Variants in THRB observed in about 807,000 individuals in gnomAD.
THRB encodes thyroid hormone receptor beta, also known as nuclear receptor subfamily 1 group A member 2.
A neutral mutation model predicts 47.8 loss-of-function variants in THRB; 12 were observed. The observed-to-expected ratio is 0.25, with a 90% CI of 0.16 to 0.41. The LOEUF (loss-of-function observed/expected upper bound fraction) is 0.41, where lower values mean the gene tolerates loss of function less well. Ranked by LOEUF, THRB falls within the 10% of genes least tolerant of loss-of-function variation. THRB has a pLI of 1.00. For missense variants in THRB, 348 were observed against 589.2 expected, an observed-to-expected ratio of 0.59 and a Z score of 4.24; for synonymous variants, 218 against 212.2, an observed-to-expected ratio of 1.03 and a Z score of -0.24.
intron 2 of THRB, among the ~76,000 whole-genome samples, chr3:24,299,766 C>CTG (rs2056772059): frequency 1.7e-5 from 1 of 58,580 alleles, no homozygotes; most frequent in Non-Finnish European, 3.0e-5. Context: ...GGGAAGTATG[C>CTG]TTTTTTATTT....
intron 1 of THRB, among the ~76,000 whole-genome samples, chr3:24,400,338 G>T (rs1168627755): frequency 6.6e-6 from 1 of 151,992 alleles, no homozygotes; most frequent in Non-Finnish European, 1.5e-5. Context: ...TGGAAACAAA[G>T]CCTGATATTT....
chr3:24,218,452 T>A (rs948675450), intron 4 of THRB, among the ~76,000 whole-genome samples: 1 of 150,562 alleles, frequency 6.6e-6, no homozygotes, highest in Non-Finnish European at 1.5e-5. Flanking sequence ...TGAGAAGACA[T>A]GAATTATGGG....
At chr3:24,420,828 C>T (rs2069182670) in intron 1 of THRB, among the ~76,000 whole-genome samples, 1 of 151,906 alleles carries the variant, frequency 6.6e-6, no homozygotes, top group African/African-American at 2.4e-5. Flanking sequence ...TACCACTCAA[C>T]TCAGCAATTC....
At chr3:24,164,279 A>T (rs1314791010) in intron 5 of THRB, among the ~76,000 whole-genome samples, 1 of 152,206 alleles carries the variant, frequency 6.6e-6, no homozygotes, top group Non-Finnish European at 1.5e-5. Flanking sequence ...ATAAAGCCAC[A>T]GTGTCTATTA....
At chr3:24,361,172 C>T (rs1443620258) in intron 1 of THRB, among the ~76,000 whole-genome samples, 1 of 152,142 alleles carries the variant, frequency 6.6e-6, no homozygotes, top group Non-Finnish European at 1.5e-5. Context: ...TGTGTGCCTG[C>T]ACATGCATGA....
intron 1 of THRB, among the ~76,000 whole-genome samples, chr3:24,398,016 A>G (rs2067105150): frequency 6.6e-6 from 1 of 152,130 alleles, no homozygotes; most frequent in Non-Finnish European, 1.5e-5. Flanking sequence ...ATACAACAAA[A>G]CAATAATTCA....
intron 4 of THRB, among the ~76,000 whole-genome samples, chr3:24,224,544 AT>A (rs1180905354): frequency 6.6e-6 from 1 of 152,164 alleles, no homozygotes; most frequent in Non-Finnish European, 1.5e-5. Context: ...AGAAATGGCC[AT>A]TAAGAAGCAG....
intron 3 of THRB, among the ~76,000 whole-genome samples, chr3:24,241,980 T>C (rs927430223): frequency 2.0e-5 from 3 of 152,192 alleles, no homozygotes; most frequent in Non-Finnish European, 4.4e-5. Flanking sequence ...CCCCACAAGT[T>C]AGCACACTGA....
chr3:24,193,172 T>TG (rs948906024), intron 4 of THRB, among the ~76,000 whole-genome samples: 2 of 152,236 alleles, frequency 1.3e-5, no homozygotes, highest in African/African-American at 4.8e-5. Flanking sequence ...TAATTTCCTA[T>TG]GTCTAATGCC....
At chr3:24,433,175 T>C (rs1416105689) in intron 1 of THRB, among the ~76,000 whole-genome samples, 1 of 152,082 alleles carries the variant, frequency 6.6e-6, no homozygotes, top group Non-Finnish European at 1.5e-5. Flanking sequence ...ACAATACCTA[T>C]CTGTAGTGGG....
chr3:24,150,242 G>T (rs1219603313), intron 6 of THRB, among the ~76,000 whole-genome samples: 1 of 152,098 alleles, frequency 6.6e-6, no homozygotes, highest in Non-Finnish European at 1.5e-5. Flanking sequence ...GCAAGTATGG[G>T]GTAGAAATAT....
intron 3 of THRB, among the ~76,000 whole-genome samples, chr3:24,245,781 C>T (rs2050052158): frequency 6.6e-6 from 1 of 152,104 alleles, no homozygotes; most frequent in Admixed American, 6.5e-5. Context: ...GGTGTGGTGG[C>T]ACGTGCCTGT....
intron 2 of THRB, among the ~76,000 whole-genome samples, chr3:24,329,710 G>A (rs2061797053): frequency 1.3e-5 from 2 of 152,174 alleles, no homozygotes; most frequent in Admixed American, 1.3e-4. Context: ...TGCTAGAATA[G>A]ACACATTTAT....
chr3:24,385,812 A>G (rs2066054016), intron 1 of THRB, among the ~76,000 whole-genome samples: 1 of 152,114 alleles, frequency 6.6e-6, no homozygotes, highest in Admixed American at 6.6e-5. Flanking sequence ...AAATTTCCAG[A>G]TAAATCATCA....
intron 3 of THRB, among the ~76,000 whole-genome samples, chr3:24,279,420 G>C (rs1475861804): frequency 3.3e-5 from 5 of 151,740 alleles, no homozygotes; most frequent in Admixed American, 3.3e-4. Flanking sequence ...GCCTCATTCT[G>C]TCGCCCAGGC....
intron 1 of THRB, among the ~76,000 whole-genome samples, chr3:24,402,976 A>G (rs768522863): frequency 6.6e-5 from 10 of 152,076 alleles, no homozygotes; most frequent in Non-Finnish European, 1.0e-4. Flanking sequence ...AATATTTAAA[A>G]TAGTAAAAAT....
intron 5 of THRB, among the ~76,000 whole-genome samples, chr3:24,178,174 C>T (rs578115495): frequency 4.6e-4 from 70 of 152,262 alleles, no homozygotes; most frequent in Non-Finnish European, 7.5e-4. Flanking sequence ...TGAGCCAGCT[C>T]ACCAGTAAAG....
chr3:24,248,627 G>A (rs1294051002), intron 3 of THRB, among the ~76,000 whole-genome samples: 3 of 152,146 alleles, frequency 2.0e-5, no homozygotes, highest in Non-Finnish European at 4.4e-5. Flanking sequence ...TGGAAGGTGA[G>A]GAGAAGGAAC....
intron 1 of THRB, chr3:24,455,012 T>C (rs1484311138): frequency 2.0e-5 from 3 of 151,798 alleles, no homozygotes; most frequent in African/African-American, 7.3e-5. Context: ...AAGGATGAAG[T>C]CTACACAGAG....
Sources: allele counts gnomAD v4.1 joint callset (sites outside exome capture counted in the v4.1 genomes callset), GRCh38; gene constraint gnomAD v4.1.1; transcripts MANE v1.5; gene names NCBI Gene and HGNC (gene_info 2026-07-23, HGNC 2026-07-21).